TMEM117: variants seen among roughly 807,000 people sequenced by gnomAD.
The protein encoded by TMEM117 is transmembrane protein 117.
A neutral mutation model predicts 52.4 loss-of-function variants in TMEM117; 27 were observed. The ratio of observed to expected loss-of-function variants is 0.51; its 90% CI spans 0.38 to 0.71. The LOEUF (loss-of-function observed/expected upper bound fraction) is 0.71. Ranked by LOEUF, TMEM117 falls within the 30% of genes least tolerant of loss-of-function variation. The pLI is 0.00. For synonymous variants in TMEM117, 215 were observed against 206.3 expected, an observed-to-expected ratio of 1.04 and a Z score of -0.36; for missense variants, 556 against 630.5, an observed-to-expected ratio of 0.88 and a Z score of 1.26.
chr12:44,259,319 G>T (rs952675740), intron 5 of TMEM117, among the ~76,000 whole-genome samples: 8 of 152,092 alleles, frequency 5.3e-5, no homozygotes, highest in Non-Finnish European at 7.4e-5. Context: ...TATTATAACT[G>T]CAGTTTTAAG....
chr12:44,374,184 A>G (rs1951906125), intron 6 of TMEM117, among the ~76,000 whole-genome samples: 1 of 152,118 alleles, frequency 6.6e-6, no homozygotes, highest in Admixed American at 6.5e-5. Flanking sequence ...CAGAGTTTAC[A>G]CTCACTCGAG....
intron 6 of TMEM117, among the ~76,000 whole-genome samples, chr12:44,339,785 A>G (rs951932906): frequency 4.6e-5 from 7 of 151,840 alleles, no homozygotes; most frequent in African/African-American, 1.7e-4. Flanking sequence ...TTTGAATTGG[A>G]GGATTCAATA....
the TMEM117 span, among the ~76,000 whole-genome samples, chr12:43,799,719 T>C: frequency 5.9e-5 from 9 of 152,092 alleles, no homozygotes; most frequent in Admixed American, 1.3e-4. Context: ...TGAAGCTTTA[T>C]AATTACTAAA....
At chr12:44,025,893 A>C (rs554708814) in intron 3 of TMEM117, among the ~76,000 whole-genome samples, 1 of 151,012 alleles carries the variant, frequency 6.6e-6, no homozygotes, top group Non-Finnish European at 1.5e-5. Context: ...TCAAAGAATT[A>C]CCTATCCGCC....
intron 5 of TMEM117, among the ~76,000 whole-genome samples, chr12:44,271,746 T>A (rs1950448526): frequency 6.6e-6 from 1 of 152,014 alleles, no homozygotes; most frequent in Non-Finnish European, 1.5e-5. Context: ...CAAATGAGAT[T>A]ACATCGAGCT....
At chr12:44,226,574 T>TA (rs1949864621) in intron 5 of TMEM117, among the ~76,000 whole-genome samples, 1 of 151,948 alleles carries the variant, frequency 6.6e-6, no homozygotes, top group East Asian at 1.9e-4. Context: ...TCCCCCAAAT[T>TA]CACATGTTGA....
chr12:43,921,105 T>C (rs1944686379), intron 2 of TMEM117, among the ~76,000 whole-genome samples: 1 of 152,322 alleles, frequency 6.6e-6, no homozygotes, highest in South Asian at 2.1e-4. Flanking sequence ...TTTTCTTATC[T>C]GAGCCCATGG....
At chr12:44,266,299 G>A (rs66993609) in intron 5 of TMEM117, among the ~76,000 whole-genome samples, 13,524 of 151,952 alleles carry the variant, frequency 0.089, 882 homozygotes, top group Middle Eastern at 0.2. Flanking sequence ...ATTTATTATC[G>A]TCTGTCACGT....
intron 4 of TMEM117, among the ~76,000 whole-genome samples, chr12:44,165,163 A>G (rs1394091767): frequency 1.3e-5 from 2 of 152,156 alleles, no homozygotes; most frequent in South Asian, 2.1e-4. Flanking sequence ...AGCTCCACAT[A>G]TGAGTGACAA....
intron 1 of TMEM117, among the ~76,000 whole-genome samples, chr12:43,842,236 T>C (rs923007387): frequency 5.3e-5 from 8 of 152,212 alleles, no homozygotes; most frequent in Admixed American, 1.3e-4. Flanking sequence ...GTCACACATA[T>C]AAGTTTCTGC....
intron 4 of TMEM117, among the ~76,000 whole-genome samples, chr12:44,144,714 T>A (rs1313748172): frequency 6.6e-6 from 1 of 152,262 alleles, no homozygotes; most frequent in Non-Finnish European, 1.5e-5. Context: ...CACCTACCTC[T>A]GTTGATTTTT....
intron 3 of TMEM117, among the ~76,000 whole-genome samples, chr12:43,958,347 G>C (rs1333044370): frequency 6.6e-6 from 1 of 152,086 alleles, no homozygotes; most frequent in Non-Finnish European, 1.5e-5. Flanking sequence ...AGAATATGAA[G>C]AAGCTGATTT....
At chr12:44,095,400 T>A (rs950813298) in intron 3 of TMEM117, among the ~76,000 whole-genome samples, 20 of 152,200 alleles carry the variant, frequency 1.3e-4, no homozygotes, top group Middle Eastern at 3.4e-3. Context: ...TTTGTATGAA[T>A]CTTATGTTGA....
chr12:43,854,935 C>G lies in TMEM117; in HGVS notation c.277+10007C>G, dbSNP rs1422316036. Among the ~76,000 whole-genome samples, 4 of 152,238 alleles carry G rather than the reference C, an allele frequency of 2.6e-5. No individual in the cohort carries two copies. In the South Asian group the frequency reaches 8.3e-4, roughly 31 times the overall value. ...TACAGGCGTGAGCCACCGCTCCTGG[C>G]CCAGGCCCACCACTTCTTATCCAAA... On this transcript the variant is annotated intron_variant, in intron 2 of 7. Transcript: ENST00000266534.
chr12:43,940,994 A>G (rs1429502196), intron 2 of TMEM117, among the ~76,000 whole-genome samples: 2 of 152,064 alleles, frequency 1.3e-5, no homozygotes, highest in Non-Finnish European at 2.9e-5. Context: ...ATAATCATCA[A>G]TCCCTGTGCC....
At chr12:43,906,928 T>C (rs1009227675) in intron 2 of TMEM117, among the ~76,000 whole-genome samples, 20 of 152,140 alleles carry the variant, frequency 1.3e-4, no homozygotes, top group Admixed American at 8.5e-4. Context: ...GAGGGGCGCC[T>C]GCCATTGCCC....
At chr12:44,276,917 T>C (rs535168278) in intron 5 of TMEM117, among the ~76,000 whole-genome samples, 4 of 151,808 alleles carry the variant, frequency 2.6e-5, no homozygotes, top group Admixed American at 2.6e-4. Flanking sequence ...TATGTGTGTG[T>C]GTGTGTGTGT....
intron 2 of TMEM117, among the ~76,000 whole-genome samples, chr12:43,853,393 G>A (rs1274470377): frequency 1.3e-5 from 2 of 151,868 alleles, no homozygotes; most frequent in Non-Finnish European, 2.9e-5. Flanking sequence ...CTCCTGCCTC[G>A]GCCTCCCAAG....
intron 4 of TMEM117, among the ~76,000 whole-genome samples, chr12:44,200,085 C>T (rs747820276): frequency 3.9e-5 from 6 of 152,316 alleles, no homozygotes; most frequent in Non-Finnish European, 7.3e-5. Flanking sequence ...TGCCACTGCA[C>T]TCTGGCCTGG....
Sources: gnomAD v4.1 joint callset for allele counts (sites outside exome capture counted in the v4.1 genomes callset) on GRCh38, gnomAD v4.1.1 for gene constraint, MANE v1.5 for transcripts, NCBI Gene and HGNC (gene_info 2026-07-23, HGNC 2026-07-21) for gene names.